TEX36: variants seen among roughly 807,000 people sequenced by gnomAD.
The protein encoded by TEX36 is testis-expressed protein 36.
A neutral mutation model predicts 13.6 loss-of-function variants in TEX36; 12 were observed. The ratio of observed to expected loss-of-function variants is 0.88; its 90% CI spans 0.56 to 1.43. The LOEUF (loss-of-function observed/expected upper bound fraction) is 1.43, where lower values mean the gene tolerates loss of function less well. Ranked by LOEUF, TEX36 falls within the 40% of genes most tolerant of loss-of-function variation. The pLI, the probability that TEX36 is intolerant of heterozygous loss-of-function variation, is 0.00. For missense variants in TEX36, 224 were observed against 228.3 expected (o/e 0.98, Z 0.12); for synonymous variants, 93 against 83.0 (o/e 1.12, Z -0.65).
chr10:125,593,528 C>G (rs994796019), intron 3 of TEX36, among the ~76,000 whole-genome samples: 1 of 152,184 alleles, frequency 6.6e-6, no homozygotes, highest in Non-Finnish European at 1.5e-5. Flanking sequence ...GAAATTCAAA[C>G]AGGCTAATAC....
intron 3 of TEX36, among the ~76,000 whole-genome samples, chr10:125,647,865 C>G (rs570043370): frequency 2.0e-5 from 3 of 152,344 alleles, no homozygotes; most frequent in South Asian, 2.1e-4. Flanking sequence ...TATCCCGCGC[C>G]TGGCTCAGAG....
chr10:125,599,051 G>T (rs1474658475), intron 3 of TEX36, among the ~76,000 whole-genome samples: 1 of 152,052 alleles, frequency 6.6e-6, no homozygotes, highest in Admixed American at 6.6e-5. Context: ...TCTGCTACCT[G>T]AAGAGTCACT....
downstream of TEX36, among the ~76,000 whole-genome samples, chr10:125,652,590 A>T (rs997191785): frequency 2.6e-5 from 4 of 152,200 alleles, no homozygotes; most frequent in African/African-American, 7.2e-5. Flanking sequence ...GGACTTCATG[A>T]CTAAAACACC....
intron 3 of TEX36, among the ~76,000 whole-genome samples, chr10:125,599,362 C>T (rs1297410755): frequency 6.6e-6 from 1 of 152,208 alleles, no homozygotes; most frequent in Non-Finnish European, 1.5e-5. Flanking sequence ...ACCACACCTG[C>T]CCTGGGGGCA....
chr10:125,636,704 C>T (rs1214615797), intron 3 of TEX36, among the ~76,000 whole-genome samples: 1 of 152,162 alleles, frequency 6.6e-6, no homozygotes, highest in Non-Finnish European at 1.5e-5. Context: ...CCCACTCAGG[C>T]CAGTTCTCAC....
chr10:125,604,000 G>A (rs183607718), intron 3 of TEX36, among the ~76,000 whole-genome samples: 29 of 152,292 alleles, frequency 1.9e-4, no homozygotes, highest in African/African-American at 6.5e-4. Flanking sequence ...AGCCTCCCCC[G>A]GGACCCGAGA....
chr10:125,642,732 A>G (rs543084175), intron 3 of TEX36, among the ~76,000 whole-genome samples: 1 of 152,274 alleles, frequency 6.6e-6, no homozygotes, highest in Non-Finnish European at 1.5e-5. Flanking sequence ...TTTGGTGGTA[A>G]TATGTCCAAC....
chr10:125,662,929 A>C (rs879760853), intron 1 of TEX36, among the ~76,000 whole-genome samples: 7 of 152,214 alleles, frequency 4.6e-5, no homozygotes, highest in Admixed American at 2.0e-4. Flanking sequence ...GGTGCCTCTT[A>C]AAAGCCACCC....
At chr10:125,647,677 TGG>T (rs1393001385) in intron 3 of TEX36, among the ~76,000 whole-genome samples, 3 of 151,654 alleles carry the variant, frequency 2.0e-5, no homozygotes, top group Non-Finnish European at 4.4e-5. Flanking sequence ...TGTCAGACAG[TGG>T]GTGCAGCCCA....
intron 3 of TEX36, among the ~76,000 whole-genome samples, chr10:125,584,789 C>T (rs1446814977): frequency 6.6e-6 from 1 of 152,190 alleles, no homozygotes; most frequent in Non-Finnish European, 1.5e-5. Flanking sequence ...CCAACTGTGA[C>T]TTCCAAAGGG....
chr10:125,623,340 A>T (rs1228675003), intron 3 of TEX36, among the ~76,000 whole-genome samples: 1 of 152,140 alleles, frequency 6.6e-6, no homozygotes, highest in Non-Finnish European at 1.5e-5. Flanking sequence ...CTAGTCCACC[A>T]ACTCAAATGT....
At chr10:125,613,156 G>A (rs1035820794) in intron 3 of TEX36, among the ~76,000 whole-genome samples, 4 of 150,346 alleles carry the variant, frequency 2.7e-5, no homozygotes, top group East Asian at 1.9e-4. Flanking sequence ...CAGCTCTGCC[G>A]CTCGGCTGGA....
intron 3 of TEX36, among the ~76,000 whole-genome samples, chr10:125,613,779 C>A (rs898283273): frequency 6.6e-6 from 1 of 152,050 alleles, no homozygotes; most frequent in East Asian, 1.9e-4. Context: ...GATTTATAGT[C>A]CTTTGGGTAT....
chr10:125,613,713 C>T (rs1426596938), intron 3 of TEX36, among the ~76,000 whole-genome samples: 1 of 152,042 alleles, frequency 6.6e-6, no homozygotes, highest in African/African-American at 2.4e-5. Flanking sequence ...CAAGTCTTTG[C>T]TATTGCGAAT....
chr10:125,667,120 T>A, intron 1 of TEX36: 1 of 799,290 alleles, frequency 1.3e-6, no homozygotes, highest in Non-Finnish European at 2.1e-6. Flanking sequence ...TGCCTCCTCC[T>A]CATTCTGGCC....
At chr10:125,657,373 T>C (rs1297609861) in intron 3 of TEX36, among the ~76,000 whole-genome samples, 1 of 152,038 alleles carries the variant, frequency 6.6e-6, no homozygotes, top group African/African-American at 2.4e-5. Context: ...TCCACATAGA[T>C]CAGCCCCCAG....
At chr10:125,591,220 C>T (rs1390382263) in intron 3 of TEX36, among the ~76,000 whole-genome samples, 1 of 152,166 alleles carries the variant, frequency 6.6e-6, no homozygotes, top group African/African-American at 2.4e-5. Flanking sequence ...TAAAATAGTG[C>T]CTGGCCTATC....
intron 3 of TEX36, among the ~76,000 whole-genome samples, chr10:125,587,091 A>G (rs752150345): frequency 1.9e-4 from 29 of 152,122 alleles, no homozygotes; most frequent in Non-Finnish European, 4.3e-4. Context: ...AAGTTTCCTG[A>G]GGCCTCCCCA....
At chr10:125,619,151 T>C (rs1246253634), downstream of TEX36, among the ~76,000 whole-genome samples, 1 of 151,006 alleles carries the variant, frequency 6.6e-6, no homozygotes, top group African/African-American at 2.4e-5. Context: ...AATAAAAAAA[T>C]AAAAATAAAA....
Sources: allele counts gnomAD v4.1 joint callset (sites outside exome capture counted in the v4.1 genomes callset), GRCh38; gene constraint gnomAD v4.1.1; transcripts MANE v1.5; gene names NCBI Gene and HGNC (gene_info 2026-07-23, HGNC 2026-07-21).